PLA2G4C: variants seen among roughly 807,000 people sequenced by gnomAD.
PLA2G4C encodes cytosolic phospholipase A2 gamma.
In PLA2G4C, 64 loss-of-function variants were observed where a neutral mutation model predicts 73.8. The ratio of observed to expected loss-of-function variants is 0.87; its 90% CI spans 0.71 to 1.07. The LOEUF (loss-of-function observed/expected upper bound fraction) is 1.07. PLA2G4C is among the 50% of genes least tolerant of loss of function. PLA2G4C has a pLI of 0.00. For synonymous variants in PLA2G4C, 254 were observed against 252.1 expected (o/e 1.01, Z -0.07); for missense variants, 622 against 665.4 (o/e 0.93, Z 0.72).
At chr19:48,095,397 GA>G (rs1458512914) in intron 7 of PLA2G4C, 66 bp downstream of exon 7, 3 of 1,496,682 alleles carry the variant, frequency 2.0e-6, no homozygotes, top group Non-Finnish European at 2.8e-6. Context: ...TAGACCCTCA[GA>G]AGGAAAATTC....
In PLA2G4C at chr19:48,104,610, C is replaced by T. The variant is rs138956741; in HGVS notation, c.235G>A (p.Ala79Thr). The T allele has an allele frequency of 3.1e-4, 496 of 1,614,014 alleles. No individual in the cohort carries two copies. Among genetic ancestry groups the T allele is most frequent in the Admixed American group, 5.2e-4 (31 of 59,996 alleles). Residue 79 changes from alanine (A) to threonine (T), a missense_variant, in exon 4 of 17, where the codon GCA becomes ACA. Ala to Thr is a moderately conservative substitution (Grantham distance 58, BLOSUM62 0). Transcript: ENST00000599921. Reference protein sequence around the residue: ...QGLLDAVTYLAGVSGSTWAIS... With the variant: ...QGLLDAVTYLTGVSGSTWAIS... ...TACCAAGTGGATCCAGAGACCCCTG[C>T]GAGGTACGTGACGGCATCCAACAGG...
intron 10 of PLA2G4C, among the ~76,000 whole-genome samples, chr19:48,084,162 C>T (rs1250486103): frequency 3.3e-5 from 5 of 151,362 alleles, no homozygotes; most frequent in Admixed American, 6.6e-5. Context: ...TGGTTTCAAG[C>T]GATTCTTGTG....
chr19:48,081,490 G>T (rs1310901691), intron 10 of PLA2G4C, among the ~76,000 whole-genome samples: 2 of 152,152 alleles, frequency 1.3e-5, no homozygotes, highest in African/African-American at 4.8e-5. Context: ...AGGAGTGGTG[G>T]GTCATGCCTG....
chr19:48,065,598 T>G (rs1159719900), intron 13 of PLA2G4C, among the ~76,000 whole-genome samples: 2 of 150,846 alleles, frequency 1.3e-5, no homozygotes, highest in Non-Finnish European at 3.0e-5. Context: ...GCAAAATAAA[T>G]AAATAAATAA....
At position 48,077,784 on chromosome 19, in the gene PLA2G4C, A is replaced by G; in HGVS notation, c.885T>C (p.His295=). 1 of 1,606,534 alleles carries G rather than the reference A, an allele frequency of 6.2e-7. No individual in the cohort carries two copies. The highest frequency in any genetic ancestry group is 8.5e-7 in the Non-Finnish European group (1 of 1,176,588). Residue 295 remains histidine (H), a synonymous_variant, in exon 11 of 17, where the codon CAT becomes CAC. Transcript: ENST00000599921. Reference sequence around the variant, plus strand: ...TAGGATGCTTACCTTCTGGGGGAGGATGTTCCCCTTGTGAACTTTCTTGCA... The same window carrying G: ...TAGGATGCTTACCTTCTGGGGGAGGGTGTTCCCCTTGTGAACTTTCTTGCA... ...LRLQESSQGE[H]PPPEDEGGEP... is the part of the protein sequence containing the mutation.
chr19:48,050,457 A>G (rs1442110154), intron 16 of PLA2G4C, among the ~76,000 whole-genome samples: 1 of 152,034 alleles, frequency 6.6e-6, no homozygotes, highest in African/African-American at 2.4e-5. Flanking sequence ...CTAGGGACCA[A>G]CCGCACAGGA....
chr19:48,086,300 C>T (rs147268001), intron 9 of PLA2G4C, among the ~76,000 whole-genome samples: 9 of 152,238 alleles, frequency 5.9e-5, no homozygotes, highest in East Asian at 1.9e-4. Flanking sequence ...GGATCTGCCT[C>T]GCCAAGTGTG....
At chr19:48,077,927 A>G (rs1314725832) in intron 10 of PLA2G4C, 103 bp from the exon 11 acceptor site, 21 of 940,436 alleles carry the variant, frequency 2.2e-5, no homozygotes, top group African/African-American at 8.5e-5. Context: ...AATGGCAGCC[A>G]TGGGTTGGAG....
chr19:48,110,602 C>A lies in PLA2G4C; in HGVS notation c.-148G>T. 2.0e-6 allele frequency: 1 copy of A among 489,758 alleles called. No individual in the cohort carries two copies. The highest frequency in any genetic ancestry group is 2.7e-6 in the Non-Finnish European group (1 of 367,748). 30.3% of individuals were successfully genotyped at this position (489,758 alleles called of 1,614,324 possible). Reference sequence around the variant, plus strand: ...TGTAGTCGCTGGACAGCTCCTTCAGCCGGAATCTCCGCGGGTGAAGACTGC... The same window carrying A: ...TGTAGTCGCTGGACAGCTCCTTCAGACGGAATCTCCGCGGGTGAAGACTGC... On this transcript the variant is annotated 5_prime_UTR_variant, in exon 1 of 17. Transcript: ENST00000599921.
At chr19:48,088,830 C>A (rs868745764) in intron 8 of PLA2G4C, 118 bp from the exon 9 acceptor site, 2 of 814,422 alleles carry the variant, frequency 2.5e-6, no homozygotes, top group Middle Eastern at 3.0e-4. Flanking sequence ...CAGCCATGGG[C>A]TCCAATGGCA....
Position 48,054,865 on chromosome 19 carries a change from C to G in PLA2G4C, c.1429+13G>C, listed in dbSNP as rs760411363. 2 of 1,613,524 alleles carry G rather than the reference C, an allele frequency of 1.2e-6. No homozygotes were observed. The highest frequency in any genetic ancestry group is 3.3e-4 in the Middle Eastern group (2 of 6,040). ...TACAGGTGGCTTCTCACCTGCTCCT[C>G]CCCTGCACCTACCTCCACAGGCATC... On this transcript the variant is annotated intron_variant, in intron 15 of 16. Transcript: ENST00000599921.
intron 12 of PLA2G4C, chr19:48,074,463 C>G (rs895810078): frequency 2.6e-6 from 1 of 385,562 alleles, no homozygotes; most frequent in Middle Eastern, 7.9e-4. Flanking sequence ...CTGTATCTTT[C>G]TAACAGAATG....
At chr19:48,092,181 C>T (rs2122638566) in intron 7 of PLA2G4C, among the ~76,000 whole-genome samples, 1 of 152,216 alleles carries the variant, frequency 6.6e-6, no homozygotes, top group East Asian at 1.9e-4. Context: ...TCCTGAGTAA[C>T]TGGAATTACA....
At chr19:48,085,297 G>A (rs529166786) in intron 9 of PLA2G4C, among the ~76,000 whole-genome samples, 185 bp from the exon 10 acceptor site, 3 of 152,224 alleles carry the variant, frequency 2.0e-5, no homozygotes, top group African/African-American at 7.2e-5. Flanking sequence ...TCTGACTGTT[G>A]GAATAGAGCA....
At chr19:48,057,483 C>CTTT (rs1171271257) in intron 14 of PLA2G4C, among the ~76,000 whole-genome samples, 4 of 17,926 alleles carry the variant, frequency 2.2e-4, no homozygotes, top group Non-Finnish European at 2.1e-4. Flanking sequence ...TCTTCTTCTT[C>CTTT]TTTTTTTTTT....
intron 15 of PLA2G4C, 67 bp downstream of exon 15, chr19:48,054,811 T>C: frequency 7.1e-7 from 1 of 1,414,862 alleles, no homozygotes. Flanking sequence ...CTCAGGTATG[T>C]TTTTATTAGC....
intron 2 of PLA2G4C, 136 bp from the exon 3 acceptor site, chr19:48,105,580 G>A: frequency 1.6e-6 from 1 of 642,548 alleles, no homozygotes; most frequent in East Asian, 2.6e-5. Context: ...TTGGGGTGAG[G>A]AAAATATTCT....
chr19:48,110,129 C>A (rs1004198994), intron 1 of PLA2G4C, among the ~76,000 whole-genome samples: 49 of 151,050 alleles, frequency 3.2e-4, no homozygotes, highest in Admixed American at 6.6e-5. Context: ...GGGTGGATCA[C>A]GAGTTCAGGA....
chr19:48,047,910 TG>T lies in PLA2G4C; in HGVS notation c.*432del. On this transcript the variant is annotated 3_prime_UTR_variant, in exon 17 of 17. Coordinates refer to ENST00000599921, the MANE Select transcript of PLA2G4C (RefSeq NM_003706.3). ...GTATTCTCAGAGCTCCACTTGGCTG[TG>T]GAGAGATAGCCCATGATTTAAGCCC... is the stretch of plus-strand genomic sequence containing the variant. 5.3e-6 allele frequency: 1 copy of T among 189,884 alleles called. No individual in the cohort carries two copies. Among genetic ancestry groups the T allele is most frequent in the Non-Finnish European group, 1.1e-5 (1 of 93,826 alleles). The allele number at this position is 189,884 out of a possible 1,614,324, so 11.8% of individuals were successfully genotyped here. A position where few individuals can be genotyped will look rare whatever the true frequency, so the allele number is the denominator to read the frequency against.
Sources: allele counts gnomAD v4.1 joint callset (sites outside exome capture counted in the v4.1 genomes callset), GRCh38; gene constraint gnomAD v4.1.1; transcripts MANE v1.5; gene names NCBI Gene and HGNC (gene_info 2026-07-23, HGNC 2026-07-21).